The following NCKAP5 variants were observed in gnomAD, a reference collection of about 807,000 sequenced individuals.
NCKAP5 encodes the protein NCK associated protein 5, also known as nck-associated protein 5.
In NCKAP5, 92 loss-of-function variants were observed where a neutral mutation model predicts 167.0. The ratio of observed to expected loss-of-function variants is 0.55; its 90% CI spans 0.47 to 0.66. The LOEUF (loss-of-function observed/expected upper bound fraction) is 0.66, where lower values mean the gene tolerates loss of function less well. Ranked by LOEUF, NCKAP5 falls within the 30% of genes least tolerant of loss-of-function variation. The pLI, the probability that NCKAP5 is intolerant of heterozygous loss-of-function variation, is 0.00. For synonymous variants in NCKAP5, 891 were observed against 877.4 expected (o/e 1.02, Z -0.27); for missense variants, 2,378 against 2,315.0 (o/e 1.03, Z -0.56).
chr2:133,290,055 T>C (rs1679461641), intron 4 of NCKAP5, among the ~76,000 whole-genome samples: 1 of 152,216 alleles, frequency 6.6e-6, no homozygotes, highest in Admixed American at 6.5e-5. Flanking sequence ...CCACATGAGA[T>C]TTGGGCAGGG....
At position 132,808,366 on chromosome 2, in the gene NCKAP5, C is replaced by G. The variant is rs1204253079; in HGVS notation, c.808-11637G>C. On this transcript the variant is annotated intron_variant, in intron 11 of 19. Coordinates refer to ENST00000409261, the MANE Select transcript of NCKAP5 (RefSeq NM_207363.3). Reference sequence around the variant, plus strand: ...TCTTCTTTGAATGTCAGGTAGAATTCTGCTATGAATCCATCTGGTCCTGAA... The same window carrying G: ...TCTTCTTTGAATGTCAGGTAGAATTGTGCTATGAATCCATCTGGTCCTGAA... Among the ~76,000 whole-genome samples, 4 of 149,684 alleles carry G rather than the reference C, an allele frequency of 2.7e-5. No homozygotes were observed. The East Asian group carries it at 8.2e-4, about 31-fold the overall frequency.
intron 4 of NCKAP5, among the ~76,000 whole-genome samples, chr2:133,279,715 C>A (rs1277782881): frequency 6.6e-6 from 1 of 152,148 alleles, no homozygotes; most frequent in Non-Finnish European, 1.5e-5. Context: ...ACTGAGCACA[C>A]CGTTGTTCTA....
intron 3 of NCKAP5, among the ~76,000 whole-genome samples, chr2:133,475,638 C>A (rs1679815841): frequency 6.6e-6 from 1 of 152,126 alleles, no homozygotes; most frequent in Non-Finnish European, 1.5e-5. Context: ...GTATGGATTT[C>A]CTCAGTGACA....
intron 6 of NCKAP5, among the ~76,000 whole-genome samples, chr2:133,017,766 A>G (rs529368026): frequency 6.7e-6 from 1 of 149,344 alleles, no homozygotes; most frequent in Non-Finnish European, 1.5e-5. Flanking sequence ...CTCCCCAAAC[A>G]CATGAAAGCA....
chr2:133,118,604 T>C (rs1445784582), intron 6 of NCKAP5: 2 of 151,528 alleles, frequency 1.3e-5, no homozygotes, highest in African/African-American at 4.9e-5. Flanking sequence ...AATATGCAGC[T>C]GCAAAATGCC....
intron 6 of NCKAP5, among the ~76,000 whole-genome samples, chr2:133,083,026 G>A (rs534010616): frequency 6.6e-6 from 1 of 152,202 alleles, no homozygotes; most frequent in South Asian, 2.1e-4. Flanking sequence ...CACATGGTTG[G>A]GACAACGAGC....
chr2:132,844,572 C>A (rs1688532444), intron 11 of NCKAP5, among the ~76,000 whole-genome samples: 1 of 152,080 alleles, frequency 6.6e-6, no homozygotes, highest in African/African-American at 2.4e-5. Flanking sequence ...TGCAACTTTA[C>A]TTTTTCACTT....
chr2:133,562,673 T>G (rs1688247273), intron 1 of NCKAP5, among the ~76,000 whole-genome samples: 1 of 152,224 alleles, frequency 6.6e-6, no homozygotes, highest in Admixed American at 6.5e-5. Flanking sequence ...CTCAGTCCAC[T>G]GGGCTTCTAC....
At chr2:132,702,555 C>T (rs1014371146) in intron 19 of NCKAP5, among the ~76,000 whole-genome samples, 10 of 152,158 alleles carry the variant, frequency 6.6e-5, no homozygotes, top group Admixed American at 5.2e-4. Flanking sequence ...TTTCTAAACT[C>T]CAGTTTGGAC....
chr2:133,263,289 A>AAG (rs2089012060), intron 4 of NCKAP5, among the ~76,000 whole-genome samples: 1 of 152,016 alleles, frequency 6.6e-6, no homozygotes, highest in Non-Finnish European at 1.5e-5. Flanking sequence ...CTAGGAAAAA[A>AAG]AAAAAAAAAA....
At chr2:133,564,398 T>C (rs1688398736) in intron 1 of NCKAP5, among the ~76,000 whole-genome samples, 1 of 152,224 alleles carries the variant, frequency 6.6e-6, no homozygotes, top group Non-Finnish European at 1.5e-5. Context: ...CATACATTTT[T>C]TTCATTTATT....
intron 3 of NCKAP5, among the ~76,000 whole-genome samples, chr2:133,511,013 C>T (rs1441516714): frequency 1.3e-5 from 2 of 152,214 alleles, no homozygotes; most frequent in Non-Finnish European, 2.9e-5. Flanking sequence ...GCTACTATTA[C>T]TAAGGGAAGG....
chr2:133,492,144 A>AGTGTGTGTGT (rs371797170), intron 3 of NCKAP5, among the ~76,000 whole-genome samples: 64 of 141,658 alleles, frequency 4.5e-4, no homozygotes, highest in African/African-American at 1.3e-3. Flanking sequence ...ATATCTAGTT[A>AGTGTGTGTGT]GTGTGTGTGT....
At chr2:132,948,359 G>T (rs1202307835) in intron 8 of NCKAP5, among the ~76,000 whole-genome samples, 1 of 152,216 alleles carries the variant, frequency 6.6e-6, no homozygotes, top group Non-Finnish European at 1.5e-5. Context: ...GCTGGCAGCA[G>T]GTACCCAACT....
At chr2:133,664,275 A>C in the NCKAP5 span, among the ~76,000 whole-genome samples, 2 of 152,166 alleles carry the variant, frequency 1.3e-5, no homozygotes, top group Non-Finnish European at 2.9e-5. Flanking sequence ...GAGCATAGGC[A>C]GGGTAGATTT....
intron 10 of NCKAP5, among the ~76,000 whole-genome samples, chr2:132,866,457 A>C (rs896631372): frequency 1.3e-5 from 2 of 152,210 alleles, no homozygotes; most frequent in Admixed American, 6.5e-5. Context: ...TGTTGTTCTA[A>C]AGGGGTACAG....
chr2:132,896,432 G>A (rs777764446), intron 8 of NCKAP5, among the ~76,000 whole-genome samples: 1 of 152,070 alleles, frequency 6.6e-6, no homozygotes. Context: ...AATTTCCTCC[G>A]TTTCTTTGTG....
intron 1 of NCKAP5, among the ~76,000 whole-genome samples, chr2:133,567,700 T>TGTGTGTGTGTG (rs1553444010): frequency 2.2e-5 from 3 of 137,268 alleles, no homozygotes; most frequent in Non-Finnish European, 1.6e-5. Flanking sequence ...TGTGTGTGTG[T>TGTGTGTGTGTG]TTGGGGAGAG....
the NCKAP5 span, among the ~76,000 whole-genome samples, chr2:133,578,719 T>C: frequency 1.3e-5 from 2 of 152,220 alleles, no homozygotes; most frequent in Non-Finnish European, 2.9e-5. Flanking sequence ...TCTGAAACAA[T>C]ATACAGCAAT....
Sources: gnomAD v4.1 joint callset for allele counts (sites outside exome capture counted in the v4.1 genomes callset) on GRCh38, gnomAD v4.1.1 for gene constraint, MANE v1.5 for transcripts, NCBI Gene and HGNC (gene_info 2026-07-23, HGNC 2026-07-21) for gene names.